C1D: variants seen among roughly 807,000 people sequenced by gnomAD.
C1D encodes the protein C1D nuclear receptor corepressor.
In C1D, 10 loss-of-function variants were observed where a neutral mutation model predicts 17.5. The ratio of observed to expected loss-of-function variants is 0.57; its 90% confidence interval spans 0.35 to 0.97. C1D has a LOEUF of 0.97. Among genes scored for constraint, C1D ranks in the 50% least tolerant of loss-of-function variants. The pLI is 0.01. For synonymous variants in C1D, 49 were observed against 54.0 expected (o/e 0.91, Z 0.40); for missense variants, 136 against 160.1 (o/e 0.85, Z 0.81).
chr2:68,047,406 T>C (rs2103797514), intron 1 of C1D, 87 bp from the exon 2 acceptor site: 2 of 1,018,452 alleles, frequency 2.0e-6, no homozygotes, highest in Admixed American at 3.1e-5. Context: ...GGTCATATCA[T>C]GTATTTCAAA....
At chr2:68,058,177 G>C (rs961656084) in intron 1 of C1D, among the ~76,000 whole-genome samples, 5 of 152,180 alleles carry the variant, frequency 3.3e-5, no homozygotes, top group African/African-American at 1.2e-4. Flanking sequence ...TTTACCACAT[G>C]CCAGACACTA....
chr2:68,051,895 T>C (rs1671293455), intron 1 of C1D, among the ~76,000 whole-genome samples: 1 of 152,034 alleles, frequency 6.6e-6, no homozygotes, highest in Non-Finnish European at 1.5e-5. Flanking sequence ...CATATATTTA[T>C]TTGTTGCCGG....
At chr2:68,052,649 C>T (rs943113713) in intron 1 of C1D, among the ~76,000 whole-genome samples, 1 of 152,142 alleles carries the variant, frequency 6.6e-6, no homozygotes, top group African/African-American at 2.4e-5. Context: ...GTAAGAATAA[C>T]TGCCCTCATT....
At chr2:68,049,725 C>T (rs539428892) in intron 1 of C1D, among the ~76,000 whole-genome samples, 1 of 152,226 alleles carries the variant, frequency 6.6e-6, no homozygotes, top group Admixed American at 6.5e-5. Context: ...CAAAAATAAA[C>T]TCCAAATGAA....
At chr2:68,044,153 C>T (rs999870598) in intron 4 of C1D, among the ~76,000 whole-genome samples, 2 of 152,192 alleles carry the variant, frequency 1.3e-5, no homozygotes, top group African/African-American at 4.8e-5. Flanking sequence ...GTTCCCATAA[C>T]TTTCCAACAT....
intron 1 of C1D, among the ~76,000 whole-genome samples, chr2:68,060,276 T>C (rs1671581770): frequency 6.6e-6 from 1 of 152,210 alleles, no homozygotes; most frequent in South Asian, 2.1e-4. Flanking sequence ...CCGTGATTAG[T>C]CTCCTGGTTT....
chr2:68,047,848 T>G (rs1287615199), intron 1 of C1D, among the ~76,000 whole-genome samples: 2 of 152,216 alleles, frequency 1.3e-5, no homozygotes, highest in African/African-American at 4.8e-5. Flanking sequence ...GCAATTAAAG[T>G]TTGATAAATA....
At position 68,047,438 on chromosome 2, in the gene C1D, A is replaced by T. The variant is rs1671161503; in HGVS notation, c.-9-119T>A. ...CAAAGGCACTAAGAGTTAAAACCTG[A>T]AGACAAATCTTTTTAAAATTTAATT... On this transcript the variant is annotated intron_variant, in intron 1 of 4. Transcript: ENST00000410067. The T allele has an allele frequency of 4.6e-6, 3 of 654,740 alleles. No homozygotes were observed. In the African/African-American group the frequency reaches 5.7e-5, roughly 12 times the overall value. 40.6% of individuals were successfully genotyped at this position (654,740 alleles called of 1,614,324 possible).
intron 1 of C1D, among the ~76,000 whole-genome samples, chr2:68,057,452 C>T (rs1478335397): frequency 6.6e-6 from 1 of 152,162 alleles, no homozygotes; most frequent in East Asian, 1.9e-4. Flanking sequence ...CCACCACGCC[C>T]AGCTCATCCC....
intron 1 of C1D, among the ~76,000 whole-genome samples, chr2:68,060,580 T>G (rs1438654986): frequency 6.6e-6 from 1 of 151,322 alleles, no homozygotes; most frequent in Admixed American, 6.6e-5. Context: ...GAGGCGGAGG[T>G]TGCAGTGAGC....
intron 1 of C1D, among the ~76,000 whole-genome samples, chr2:68,051,378 C>T (rs188823403): frequency 5.2e-4 from 79 of 152,216 alleles, no homozygotes; most frequent in Admixed American, 1.4e-3. Context: ...TATTTATAGG[C>T]TGGGTGCAGT....
At chr2:68,048,410 C>T (rs1416769392) in intron 1 of C1D, among the ~76,000 whole-genome samples, 1 of 152,112 alleles carries the variant, frequency 6.6e-6, no homozygotes, top group Non-Finnish European at 1.5e-5. Flanking sequence ...TGATCACTGA[C>T]TTTGTCACCT....
Position 68,045,987 on chromosome 2 carries a change from C to T in C1D, c.261+1G>A, listed in dbSNP as rs1469174011. 3.2e-6 allele frequency: 5 copies of T among 1,578,030 alleles called. No homozygotes were observed. Among genetic ancestry groups the T allele is most frequent in the Non-Finnish European group, 4.3e-6 (5 of 1,158,994 alleles). On this transcript the variant is annotated splice_donor_variant, in intron 4 of 4. Coordinates refer to ENST00000410067, the MANE Select transcript of C1D (RefSeq NM_173177.3). LOFTEE classifies it high-confidence loss of function. ...AAAATAAAAAGAAATTAAAATCTTA[C>T]CAATTCCTGTTTTACTGGATGTTCC...
intron 1 of C1D, among the ~76,000 whole-genome samples, chr2:68,059,137 C>A (rs1671544752): frequency 6.6e-6 from 1 of 152,168 alleles, no homozygotes; most frequent in African/African-American, 2.4e-5. Context: ...GGGGAGCAGG[C>A]ATGTGACAGG....
chr2:68,058,208 A>G (rs1671495042), intron 1 of C1D, among the ~76,000 whole-genome samples: 1 of 152,236 alleles, frequency 6.6e-6, no homozygotes, highest in Non-Finnish European at 1.5e-5. Flanking sequence ...TATTCAATAG[A>G]TATTTAATTA....
intron 3 of C1D, 104 bp from the exon 4 acceptor site, chr2:68,046,147 A>G (rs1671114494): frequency 3.3e-6 from 3 of 909,398 alleles, no homozygotes; most frequent in Non-Finnish European, 5.0e-6. Flanking sequence ...CCTACAAACA[A>G]TTAAACTTTA....
At chr2:68,051,214 A>G (rs1222976498) in intron 1 of C1D, among the ~76,000 whole-genome samples, 2 of 152,204 alleles carry the variant, frequency 1.3e-5, no homozygotes, top group Non-Finnish European at 2.9e-5. Flanking sequence ...CTCATTCGAC[A>G]TAAGACAAAA....
intron 2 of C1D, among the ~76,000 whole-genome samples, chr2:68,046,797 AAGAC>A (rs547948940): frequency 7.9e-5 from 12 of 152,300 alleles, no homozygotes; most frequent in Admixed American, 5.9e-4. Context: ...GGCAATACGA[AAGAC>A]AGAAGAAACA....
chr2:68,046,243 T>TAA (rs980304584), intron 3 of C1D, 101 bp downstream of exon 3: 10 of 970,174 alleles, frequency 1.0e-5, no homozygotes, highest in Non-Finnish European at 1.6e-6. Context: ...AAAAGTGTTA[T>TAA]AAAGTATAAT....
Sources: allele counts gnomAD v4.1 joint callset (sites outside exome capture counted in the v4.1 genomes callset), GRCh38; gene constraint gnomAD v4.1.1; transcripts MANE v1.5; gene names NCBI Gene and HGNC (gene_info 2026-07-23, HGNC 2026-07-21).